Variants in RERG observed in about 807,000 individuals in gnomAD.
RERG encodes RAS like estrogen regulated growth inhibitor.
Under a neutral mutation model 23.2 loss-of-function variants are expected in RERG, and 25 were observed. The ratio of observed to expected loss-of-function variants is 1.08; its 90% CI spans 0.79 to 1.50. The LOEUF (loss-of-function observed/expected upper bound fraction) is 1.50. Among genes scored for constraint, RERG ranks in the 40% most tolerant of loss-of-function variants. RERG has a pLI of 0.00. For missense variants in RERG, 253 were observed against 250.1 expected, an observed-to-expected ratio of 1.01 and a Z score of -0.08; for synonymous variants, 81 against 89.1, an observed-to-expected ratio of 0.91 and a Z score of 0.51.
intron 3 of RERG, among the ~76,000 whole-genome samples, chr12:15,111,790 C>T (rs1158769052): frequency 6.7e-6 from 1 of 149,736 alleles, no homozygotes; most frequent in Admixed American, 6.7e-5. Context: ...ATTCTCTTGT[C>T]TCAGCCTCCC....
chr12:15,166,430 G>A (rs1390266761), intron 2 of RERG, among the ~76,000 whole-genome samples: 2 of 152,058 alleles, frequency 1.3e-5, no homozygotes, highest in African/African-American at 2.4e-5. Context: ...TTGGGACTCT[G>A]GACAAGTCAC....
intron 2 of RERG, among the ~76,000 whole-genome samples, chr12:15,147,508 C>T (rs1288875689): frequency 6.6e-6 from 1 of 152,002 alleles, no homozygotes; most frequent in African/African-American, 2.4e-5. Context: ...TTAAGAATAC[C>T]GAGGGCAGCA....
rs1341751952 is a variant in RERG, at chr12:15,221,368, GC to G, written c.-289del. The stretch of plus-strand genomic sequence containing the variant: ...CGCAGAAGCAAGTGCCAGTGGCCCG[GC>G]GGGGGTCTCCTCACTCGCGCTCGCT... On this transcript the variant is annotated 5_prime_UTR_variant, in exon 1 of 5. Coordinates refer to ENST00000256953, the MANE Select transcript of RERG (RefSeq NM_032918.3). 2 of 152,408 alleles carry G rather than the reference GC, an allele frequency of 1.3e-5. No homozygotes were observed. Among genetic ancestry groups the G allele is most frequent in the African/African-American group, 4.8e-5 (2 of 41,580 alleles). The allele number at this position is 152,408 out of a possible 1,614,324, so 9.4% of individuals were successfully genotyped here.
At chr12:15,192,447 T>C (rs1865084781) in intron 2 of RERG, among the ~76,000 whole-genome samples, 1 of 152,194 alleles carries the variant, frequency 6.6e-6, no homozygotes, top group Admixed American at 6.5e-5. Context: ...GGTTAAAATG[T>C]ATTTTAAAAA....
At chr12:15,142,698 G>C (rs1023206278) in intron 2 of RERG, among the ~76,000 whole-genome samples, 2 of 152,050 alleles carry the variant, frequency 1.3e-5, no homozygotes, top group Non-Finnish European at 2.9e-5. Context: ...AGAAAGAGAA[G>C]AGAGAGGGGG....
chr12:15,128,145 T>C (rs1230372106), intron 2 of RERG, among the ~76,000 whole-genome samples: 1 of 152,234 alleles, frequency 6.6e-6, no homozygotes, highest in African/African-American at 2.4e-5. Context: ...TGGAGAAGCA[T>C]GCTTTGAGAA....
chr12:15,207,611 ACAC>A (rs1481180212), intron 2 of RERG, among the ~76,000 whole-genome samples: 5 of 152,166 alleles, frequency 3.3e-5, no homozygotes, highest in Non-Finnish European at 7.4e-5. Context: ...TGTTCTGGGT[ACAC>A]CACATCTGAA....
chr12:15,206,320 T>C (rs1865289385), intron 2 of RERG, among the ~76,000 whole-genome samples: 1 of 152,100 alleles, frequency 6.6e-6, no homozygotes, highest in Admixed American at 6.6e-5. Flanking sequence ...CTCTTCTCAC[T>C]AAAATGTTAA....
At chr12:15,167,752 T>C (rs1370983428) in intron 2 of RERG, among the ~76,000 whole-genome samples, 1 of 152,206 alleles carries the variant, frequency 6.6e-6, no homozygotes, top group Non-Finnish European at 1.5e-5. Flanking sequence ...TTTTTTTGCA[T>C]AGACTTCCCT....
intron 2 of RERG, among the ~76,000 whole-genome samples, chr12:15,136,956 G>C (rs1307717203): frequency 6.6e-6 from 1 of 151,894 alleles, no homozygotes; most frequent in Non-Finnish European, 1.5e-5. Flanking sequence ...TGTCCTTACT[G>C]ATTTTCTACC....
At chr12:15,136,143 ATTTG>A (rs1864140701) in intron 2 of RERG, among the ~76,000 whole-genome samples, 1 of 151,848 alleles carries the variant, frequency 6.6e-6, no homozygotes, top group Non-Finnish European at 1.5e-5. Context: ...CTTTCAGGGA[ATTTG>A]TTTATTTCAT....
At chr12:15,146,472 T>A (rs1055774586) in intron 2 of RERG, among the ~76,000 whole-genome samples, 1 of 152,206 alleles carries the variant, frequency 6.6e-6, no homozygotes, top group Non-Finnish European at 1.5e-5. Context: ...ATACATTCTT[T>A]CCATACAATG....
chr12:15,117,673 G>A (rs1054410033), intron 3 of RERG, among the ~76,000 whole-genome samples: 18 of 71,498 alleles, frequency 2.5e-4, no homozygotes, highest in African/African-American at 8.7e-4. Context: ...CATCACACAC[G>A]CGCACACACA....
chr12:15,184,631 GAT>G (rs1415788398), intron 2 of RERG, among the ~76,000 whole-genome samples: 1 of 152,172 alleles, frequency 6.6e-6, no homozygotes, highest in South Asian at 2.1e-4. Flanking sequence ...TGTTTGAAGT[GAT>G]GAATTTAATA....
At chr12:15,166,837 C>T (rs1864701550) in intron 2 of RERG, among the ~76,000 whole-genome samples, 1 of 150,456 alleles carries the variant, frequency 6.6e-6, no homozygotes, top group Non-Finnish European at 1.5e-5. Context: ...TCATGTCTGA[C>T]ACATTATTGT....
At chr12:15,220,387 C>T (rs983775569) in intron 1 of RERG, among the ~76,000 whole-genome samples, 2 of 152,054 alleles carry the variant, frequency 1.3e-5, no homozygotes, top group Non-Finnish European at 2.9e-5. Context: ...AGGAAAAACG[C>T]TAGCTAAAAT....
intron 2 of RERG, among the ~76,000 whole-genome samples, chr12:15,143,270 A>C (rs1308289796): frequency 6.6e-6 from 1 of 152,104 alleles, no homozygotes; most frequent in Non-Finnish European, 1.5e-5. Flanking sequence ...AATATAAATT[A>C]AAATATACAT....
chr12:15,139,014 CTTTTTTTTTTTT>C (rs34755371), intron 2 of RERG, among the ~76,000 whole-genome samples: 791 of 51,144 alleles, frequency 0.015, 23 homozygotes, highest in African/African-American at 0.054. Flanking sequence ...TGTGTCTAGA[CTTTTTTTTTTTT>C]TTTTTTTTTT....
chr12:15,145,035 A>G (rs922858964), intron 2 of RERG, among the ~76,000 whole-genome samples: 1 of 152,018 alleles, frequency 6.6e-6, no homozygotes, highest in Non-Finnish European at 1.5e-5. Context: ...CTTGATCTCC[A>G]CTCCCCACAG....
Sources: allele counts gnomAD v4.1 joint callset (sites outside exome capture counted in the v4.1 genomes callset), GRCh38; gene constraint gnomAD v4.1.1; transcripts MANE v1.5; gene names NCBI Gene and HGNC (gene_info 2026-07-23, HGNC 2026-07-21).